The following ZNF474 variants were observed in gnomAD, a reference collection of about 807,000 sequenced individuals.
ZNF474 encodes the protein 4933409D10Rik.
For missense variants in ZNF474, 511 were observed against 433.8 expected (o/e 1.18, Z -1.58); for synonymous variants, 192 against 162.2 (o/e 1.18, Z -1.39).
intron 1 of ZNF474, among the ~76,000 whole-genome samples, chr5:122,148,574 A>G (rs1355140974): frequency 6.6e-6 from 1 of 152,088 alleles, no homozygotes; most frequent in East Asian, 1.9e-4. Context: ...CACATCATTC[A>G]TCGTTGGTCT....
Position 122,152,934 on chromosome 5 carries a change from A to G in ZNF474, c.944A>G (p.Tyr315Cys), listed in dbSNP as rs1305559946. Residue 315 changes from tyrosine (Y) to cysteine (C), a missense_variant, in exon 2 of 2, where the codon TAT becomes TGT. Coordinates refer to ENST00000296600, the MANE Select transcript of ZNF474 (RefSeq NM_207317.3). ...SCKTHPYGPKYQNLNLGSKGG... is the reference protein window; with the variant it reads ...SCKTHPYGPKCQNLNLGSKGG... ...AAAACTCATCCTTATGGGCCAAAAT[A>G]TCAGAATTTGAATTTAGGGAGTAAA... 3 of 1,606,990 alleles carry G rather than the reference A, an allele frequency of 1.9e-6. No individual in the cohort carries two copies. The highest frequency in any genetic ancestry group is 4.5e-5 in the East Asian group (2 of 44,598).
intron 1 of ZNF474, among the ~76,000 whole-genome samples, chr5:122,131,361 C>A (rs2152602554): frequency 6.6e-6 from 1 of 152,210 alleles, no homozygotes; most frequent in South Asian, 2.1e-4. Context: ...ATCTACACTT[C>A]CTTGTTCATT....
intron 1 of ZNF474, among the ~76,000 whole-genome samples, chr5:122,141,525 T>A (rs2560310): frequency 0.015 from 2,246 of 152,176 alleles, 26 homozygotes; most frequent in Non-Finnish European, 0.024. Flanking sequence ...GTCAGGATGT[T>A]CTTGATCTCT....
chr5:122,133,607 T>C (rs932866307), intron 1 of ZNF474, among the ~76,000 whole-genome samples: 1 of 152,228 alleles, frequency 6.6e-6, no homozygotes, highest in Non-Finnish European at 1.5e-5. Flanking sequence ...TCACCCAGAC[T>C]GGAGTGCAGC....
At chr5:122,138,508 G>A (rs565045429) in intron 1 of ZNF474, among the ~76,000 whole-genome samples, 3 of 152,334 alleles carry the variant, frequency 2.0e-5, no homozygotes, top group Admixed American at 1.3e-4. Context: ...AGAACAAAAC[G>A]AAGAGTAGTG....
chr5:122,137,876 G>C (rs746369308), intron 1 of ZNF474, among the ~76,000 whole-genome samples: 10 of 152,254 alleles, frequency 6.6e-5, no homozygotes, highest in Non-Finnish European at 1.3e-4. Flanking sequence ...GAAAAGGATA[G>C]ATGAGGGTTG....
At chr5:122,151,055 C>T (rs1756155846) in intron 1 of ZNF474, among the ~76,000 whole-genome samples, 1 of 152,106 alleles carries the variant, frequency 6.6e-6, no homozygotes, top group African/African-American at 2.4e-5. Context: ...AAGTTTATGT[C>T]CCTCTGAGGG....
Position 122,152,718 on chromosome 5 carries a change from G to A in ZNF474, c.728G>A (p.Cys243Tyr), listed in dbSNP as rs951151477. The A allele has an allele frequency of 6.2e-7, 1 of 1,614,012 alleles. No homozygotes were observed. The highest frequency in any genetic ancestry group is 8.5e-7 in the Non-Finnish European group (1 of 1,180,040). Residue 243 changes from cysteine to tyrosine, a missense_variant, in exon 2 of 2, where the codon TGC becomes TAC. Cys to Tyr is a radical substitution (Grantham distance 194). Transcript: ENST00000296600. ...TLSLPIHEPKCLEKWKMENDR... is the reference protein window; with the variant it reads ...TLSLPIHEPKYLEKWKMENDR... ...TCCCTTCCTATTCATGAGCCCAAAT[G>A]CCTGGAAAAGTGGAAAATGGAAAAT...
intron 1 of ZNF474, among the ~76,000 whole-genome samples, chr5:122,133,448 A>C (rs1237704616): frequency 6.6e-6 from 1 of 152,222 alleles, no homozygotes. Flanking sequence ...CTAAGAAAAA[A>C]TATTTTCCAG....
At chr5:122,143,063 C>T (rs1324421295) in intron 1 of ZNF474, among the ~76,000 whole-genome samples, 1 of 152,072 alleles carries the variant, frequency 6.6e-6, no homozygotes, top group African/African-American at 2.4e-5. Flanking sequence ...TATTGATAAT[C>T]AGTGTAAGTG....
chr5:122,143,731 A>C (rs1243078740), intron 1 of ZNF474, among the ~76,000 whole-genome samples: 1 of 152,086 alleles, frequency 6.6e-6, no homozygotes, highest in Non-Finnish European at 1.5e-5. Flanking sequence ...TTACAATCCA[A>C]CTATGGTCTA....
chr5:122,131,961 T>C (rs1561436135), intron 1 of ZNF474, among the ~76,000 whole-genome samples: 1 of 152,096 alleles, frequency 6.6e-6, no homozygotes, highest in Admixed American at 6.5e-5. Flanking sequence ...GACGTAAATA[T>C]AAGAAAACGT....
chr5:122,152,106 C>T lies in ZNF474; in HGVS notation c.116C>T (p.Ser39Phe). ...QAGLLSSDSY[S>F]SLSPETESVN... ...GGGCTTCTCTCTAGTGACTCCTATT[C>T]TAGCCTTTCCCCAGAAACAGAGAGT... The change falls in exon 2 of 2, where the codon TCT (serine) becomes TTT (phenylalanine). Residue 39 changes from serine to phenylalanine, a missense_variant. Physicochemically the swap from Ser to Phe is radical, Grantham distance 155 (BLOSUM62 -2). Transcript: ENST00000296600. 6 of 1,614,222 alleles carry T rather than the reference C, an allele frequency of 3.7e-6. No homozygotes were observed. The South Asian group carries it at 6.6e-5, about 18-fold the overall frequency.
At chr5:122,149,277 C>T (rs995110964) in intron 1 of ZNF474, among the ~76,000 whole-genome samples, 1 of 152,090 alleles carries the variant, frequency 6.6e-6, no homozygotes, top group Non-Finnish European at 1.5e-5. Flanking sequence ...ACATGTACCC[C>T]GAACCTATAA....
intron 1 of ZNF474, among the ~76,000 whole-genome samples, chr5:122,135,245 G>C (rs1172528684): frequency 3.9e-5 from 6 of 152,196 alleles, no homozygotes; most frequent in Non-Finnish European, 7.3e-5. Context: ...TGAGGTGGGA[G>C]GATCACTTGA....
chr5:122,134,092 AC>A (rs754327472), intron 1 of ZNF474, among the ~76,000 whole-genome samples: 3 of 152,164 alleles, frequency 2.0e-5, no homozygotes, highest in Non-Finnish European at 2.9e-5. Flanking sequence ...ATTCCAGAAC[AC>A]CCTTCCTGAG....
At chr5:122,137,048 A>G (rs1227819729) in intron 1 of ZNF474, among the ~76,000 whole-genome samples, 5 of 152,214 alleles carry the variant, frequency 3.3e-5, no homozygotes, top group African/African-American at 1.2e-4. Context: ...ATAGGTGCTG[A>G]GTGCTGTAAA....
rs183885227 is a variant in ZNF474 at position 122,132,262 on chromosome 5, T to G, written c.-213+2579T>G. Among the ~76,000 whole-genome samples the G allele has an allele frequency of 1.8e-4, 28 of 152,252 alleles. No individual in the cohort carries two copies. The East Asian group carries it at 5.2e-3, about 28-fold the overall frequency. On this transcript the variant is annotated intron_variant, in intron 1 of 1. Transcript: ENST00000296600. ...GTATATTTATGTTATTTCCAGTTTTTCACTACTATGAGTAAAGCTACTGTA... is the reference window on the plus strand; with the variant it reads ...GTATATTTATGTTATTTCCAGTTTTGCACTACTATGAGTAAAGCTACTGTA...
intron 1 of ZNF474, among the ~76,000 whole-genome samples, chr5:122,146,540 C>CA (rs1043395301): frequency 3.3e-5 from 5 of 151,562 alleles, no homozygotes; most frequent in African/African-American, 7.3e-5. Flanking sequence ...ATTCCTTCAT[C>CA]AAAAAAAATC....
Sources: gnomAD v4.1 joint callset for allele counts (sites outside exome capture counted in the v4.1 genomes callset) on GRCh38, gnomAD v4.1.1 for gene constraint, MANE v1.5 for transcripts, NCBI Gene and HGNC (gene_info 2026-07-23, HGNC 2026-07-21) for gene names.